The following SOX5 variants were observed in gnomAD, a reference collection of about 807,000 sequenced individuals.
The protein encoded by SOX5 is transcription factor SOX-5.
A neutral mutation model predicts 92.0 loss-of-function variants in SOX5; 9 were observed. The ratio of observed to expected loss-of-function variants is 0.10; its 90% CI spans 0.06 to 0.17. SOX5 has a LOEUF of 0.17. Ranked by LOEUF, SOX5 falls within the 10% of genes least tolerant of loss-of-function variation. SOX5 has a pLI of 1.00. For missense variants in SOX5, 642 were observed against 944.5 expected (o/e 0.68, Z 4.20); for synonymous variants, 344 against 336.3 (o/e 1.02, Z -0.25).
rs529952427 is a variant in SOX5 at position 24,148,603 on chromosome 12, G to A, written c.-2+64740C>T. Among the ~76,000 whole-genome samples the A allele has an allele frequency of 2.4e-4, 34 of 144,292 alleles. No individual in the cohort carries two copies. The Admixed American group carries it at 2.4e-3, about 10-fold the overall frequency. The allele number at this position is 144,292 out of a possible 152,430, so 94.7% of individuals were successfully genotyped here. Reference sequence around the variant, plus strand: ...GGTGTCTCACACCCTTAATCCCAGCGACTCAGGAGGCCAAGATGGGAGGAT... The same window carrying A: ...GGTGTCTCACACCCTTAATCCCAGCAACTCAGGAGGCCAAGATGGGAGGAT... On this transcript the variant is annotated intron_variant, in intron 4 of 4. Transcript: ENST00000446891.
intron 2 of SOX5, among the ~76,000 whole-genome samples, chr12:23,852,740 T>A (rs1461404636): frequency 6.6e-6 from 1 of 152,136 alleles, no homozygotes; most frequent in Non-Finnish European, 1.5e-5. Context: ...TAAACATGAT[T>A]CGCAAACGGT....
At chr12:24,508,993 C>T (rs1949058810) in intron 1 of SOX5, among the ~76,000 whole-genome samples, 1 of 152,116 alleles carries the variant, frequency 6.6e-6, no homozygotes, top group Admixed American at 6.5e-5. Context: ...CATTCATTGG[C>T]CAAAATTGAG....
chr12:23,734,939 C>T (rs1341990183), intron 5 of SOX5, among the ~76,000 whole-genome samples, 187 bp from the exon 6 acceptor site: 1 of 152,134 alleles, frequency 6.6e-6, no homozygotes, highest in African/African-American at 2.4e-5. Flanking sequence ...TCTTTAGGAA[C>T]AGTTATGTTT....
At chr12:23,976,903 T>C (rs1948988191) in intron 4 of SOX5, among the ~76,000 whole-genome samples, 1 of 151,394 alleles carries the variant, frequency 6.6e-6, no homozygotes, top group Non-Finnish European at 1.5e-5. Context: ...GAATAAACTG[T>C]GAAAAGCAAA....
chr12:24,187,720 T>C (rs1451154356), intron 4 of SOX5, among the ~76,000 whole-genome samples: 1 of 152,140 alleles, frequency 6.6e-6, no homozygotes, highest in Non-Finnish European at 1.5e-5. Context: ...CCACTTAACT[T>C]TGAGGTTGTC....
At chr12:24,114,096 T>C (rs1295283629) in intron 4 of SOX5, among the ~76,000 whole-genome samples, 1 of 152,170 alleles carries the variant, frequency 6.6e-6, no homozygotes, top group Non-Finnish European at 1.5e-5. Context: ...GGTCTGCCCA[T>C]TGATAAGCTC....
intron 11 of SOX5, among the ~76,000 whole-genome samples, chr12:23,555,131 T>C (rs1435206489): frequency 6.6e-6 from 1 of 152,218 alleles, no homozygotes; most frequent in African/African-American, 2.4e-5. Context: ...ATAACTAAAC[T>C]ATTGTTGCCA....
chr12:24,256,861 T>C (rs1048212482), intron 3 of SOX5, among the ~76,000 whole-genome samples: 1 of 152,224 alleles, frequency 6.6e-6, no homozygotes, highest in African/African-American at 2.4e-5. Flanking sequence ...TTTGCTATAA[T>C]TATTAATTGC....
At chr12:24,377,020 C>G (rs944093800) in intron 1 of SOX5, among the ~76,000 whole-genome samples, 1 of 151,996 alleles carries the variant, frequency 6.6e-6, no homozygotes, top group Non-Finnish European at 1.5e-5. Context: ...ACTGGGCCAG[C>G]CATCCTCTGC....
intron 1 of SOX5, chr12:23,920,132 T>G (rs765876422): frequency 2.6e-5 from 4 of 152,168 alleles, no homozygotes; most frequent in Non-Finnish European, 5.9e-5. Context: ...TCTGAAAACC[T>G]TTTCTAATCT....
intron 7 of SOX5, among the ~76,000 whole-genome samples, chr12:23,652,141 T>C (rs1168800458): frequency 1.3e-5 from 2 of 152,080 alleles, no homozygotes; most frequent in East Asian, 3.9e-4. Context: ...GGGGAAATGC[T>C]TTATAAATTT....
At chr12:24,201,870 G>A (rs1215062308) in intron 4 of SOX5, among the ~76,000 whole-genome samples, 5 of 152,088 alleles carry the variant, frequency 3.3e-5, no homozygotes, top group African/African-American at 7.2e-5. Context: ...AACACACATC[G>A]ATGGAACTTA....
chr12:23,752,042 T>C (rs563328709), intron 4 of SOX5, among the ~76,000 whole-genome samples: 1 of 151,276 alleles, frequency 6.6e-6, no homozygotes, highest in Non-Finnish European at 1.5e-5. Context: ...CCTGAATTAA[T>C]GCACCGTGAC....
intron 1 of SOX5, among the ~76,000 whole-genome samples, chr12:23,947,610 T>C (rs1031505299): frequency 6.6e-6 from 1 of 151,860 alleles, no homozygotes; most frequent in Non-Finnish European, 1.5e-5. Context: ...TTTTAGCTAC[T>C]AATATTTCTA....
chr12:23,893,858 A>G (rs1384672988), intron 2 of SOX5, among the ~76,000 whole-genome samples: 1 of 152,224 alleles, frequency 6.6e-6, no homozygotes, highest in Non-Finnish European at 1.5e-5. Flanking sequence ...ATCATTGTAC[A>G]TAACTTACGT....
intron 4 of SOX5, among the ~76,000 whole-genome samples, chr12:24,086,870 G>T (rs1433780623): frequency 2.0e-5 from 3 of 151,902 alleles, no homozygotes; most frequent in South Asian, 4.1e-4. Flanking sequence ...AATATTCAAG[G>T]TTTAGAATAT....
chr12:23,680,342 A>G (rs1220734683), intron 6 of SOX5, among the ~76,000 whole-genome samples: 41 of 150,476 alleles, frequency 2.7e-4, no homozygotes, highest in African/African-American at 4.8e-4. Context: ...AAAAAAAAAA[A>G]AAAAAGAAAA....
intron 1 of SOX5, among the ~76,000 whole-genome samples, chr12:23,916,529 A>G (rs2097419300): frequency 6.6e-6 from 1 of 152,184 alleles, no homozygotes; most frequent in African/African-American, 2.4e-5. Flanking sequence ...AGACTTAATA[A>G]GCACTGCTGT....
intron 3 of SOX5, among the ~76,000 whole-genome samples, chr12:23,792,212 T>G (rs1200742225): frequency 6.6e-6 from 1 of 151,886 alleles, no homozygotes; most frequent in Non-Finnish European, 1.5e-5. Context: ...GGGAAGAGAT[T>G]GAGAGAGTGT....
Sources: gnomAD v4.1 joint callset for allele counts (sites outside exome capture counted in the v4.1 genomes callset) on GRCh38, gnomAD v4.1.1 for gene constraint, MANE v1.5 for transcripts, NCBI Gene and HGNC (gene_info 2026-07-23, HGNC 2026-07-21) for gene names.